EIF3B: variants seen among roughly 807,000 people sequenced by gnomAD.
The protein encoded by EIF3B is eukaryotic translation initiation factor 3 subunit 9.
EIF3B carries 10 observed loss-of-function variants against 104.6 expected under a neutral mutation model. That is an observed-to-expected ratio of 0.10 (90% CI 0.06 to 0.16). The LOEUF is 0.16. Ranked by LOEUF, EIF3B falls within the 10% of genes least tolerant of loss-of-function variation. The pLI is 1.00. For missense variants in EIF3B, 1,014 were observed against 1,087.9 expected, an observed-to-expected ratio of 0.93 and a Z score of 0.96; for synonymous variants, 542 against 417.2, an observed-to-expected ratio of 1.30 and a Z score of -3.65.
chr7:2,372,911 C>A, intron 12 of EIF3B, 116 bp downstream of exon 12: 2 of 1,214,258 alleles, frequency 1.6e-6, no homozygotes, highest in South Asian at 2.0e-5. Flanking sequence ...GGCCGGGACT[C>A]GCCTATGAAT....
At chr7:2,363,820 T>G in intron 5 of EIF3B, 60 bp downstream of exon 5, 1 of 1,552,004 alleles carries the variant, frequency 6.4e-7, no homozygotes, top group Non-Finnish European at 8.7e-7. Flanking sequence ...CTTAACAAAG[T>G]GGAACTTTGT....
Position 2,355,390 on chromosome 7 carries a change from G to T in EIF3B, c.469G>T (p.Glu157Ter). The T allele has an allele frequency of 6.6e-7, 1 of 1,511,472 alleles. No homozygotes were observed. The highest frequency in any genetic ancestry group is 2.5e-5 in the East Asian group (1 of 39,382). 93.6% of individuals were successfully genotyped at this position (1,511,472 alleles called of 1,614,324 possible). A position where few individuals can be genotyped will look rare whatever the true frequency, so the allele number is the denominator to read the frequency against. ...DADEPSFSDP[E>*]DFVDDVSEEE... is the part of the protein sequence containing the mutation. ...GGACGAGCCCTCCTTCAGCGACCCC[G>T]AGGACTTCGTGGACGACGTGAGCGA... is the stretch of plus-strand genomic sequence containing the variant. Residue 157 changes from glutamate to a stop codon, truncating the protein, a stop_gained, in exon 1 of 19, where the codon GAG becomes TAG. Transcript: ENST00000360876. LOFTEE classifies it high-confidence loss of function.
rs111636232 is a variant in EIF3B, at chr7:2,356,351, G to A, written c.499+931G>A. On this transcript the variant is annotated intron_variant, in intron 1 of 18. Coordinates refer to ENST00000360876, the MANE Select transcript of EIF3B (RefSeq NM_001037283.2). ...CAGAGGGCCGGGCTGGGTGGCTCAC[G>A]CCTGTAATCCCAGCACTTTGGGAGG... Among the ~76,000 whole-genome samples, 1,329 of 152,198 alleles carry A rather than the reference G, an allele frequency of 8.7e-3. 17 individuals are homozygous for A. Among genetic ancestry groups the A allele is most frequent in the African/African-American group, 0.031 (1,271 of 41,550 alleles).
intron 2 of EIF3B, 63 bp from the exon 3 acceptor site, chr7:2,362,582 G>A (rs926086805): frequency 1.3e-5 from 21 of 1,597,110 alleles, no homozygotes; most frequent in Admixed American, 1.2e-4. Context: ...GGGGTGGGGC[G>A]GACAGCGCAT....
chr7:2,365,671 GTTTGTTTTGT>G (rs796157400), intron 6 of EIF3B, among the ~76,000 whole-genome samples: 51 of 108,952 alleles, frequency 4.7e-4, no homozygotes, highest in African/African-American at 7.7e-4. Context: ...TTGTTTGTTT[GTTTGTTTTGT>G]TTTTTTTTTT....
intron 9 of EIF3B, among the ~76,000 whole-genome samples, chr7:2,368,865 A>C (rs1428070443): frequency 6.6e-6 from 1 of 152,226 alleles, no homozygotes; most frequent in Non-Finnish European, 1.5e-5. Context: ...TCGTTTTTAC[A>C]TTCTTGGGCA....
At chr7:2,364,821 G>T (rs1033306098) in intron 6 of EIF3B, among the ~76,000 whole-genome samples, 1 of 152,176 alleles carries the variant, frequency 6.6e-6, no homozygotes, top group African/African-American at 2.4e-5. Context: ...CATAGTGTGG[G>T]TACTGACTTC....
chr7:2,375,316 A>G, intron 13 of EIF3B, 73 bp from the exon 14 acceptor site: 1 of 1,592,026 alleles, frequency 6.3e-7, no homozygotes, highest in Non-Finnish European at 8.6e-7. Context: ...CCCATGCCGC[A>G]GCACCTCTCA....
At chr7:2,363,015 G>A in intron 3 of EIF3B, 55 bp from the exon 4 acceptor site, 2 of 1,594,304 alleles carry the variant, frequency 1.3e-6, no homozygotes, top group South Asian at 1.1e-5. Flanking sequence ...GCCCCCACGA[G>A]TTGCTCTTTC....
rs772243454 is a variant in EIF3B, at chr7:2,380,415, C to T, written c.*226C>T. 5.8e-6 allele frequency: 3 copies of T among 518,550 alleles called. No individual in the cohort carries two copies. The highest frequency in any genetic ancestry group is 1.2e-5 in the Non-Finnish European group (3 of 259,660). 32.1% of individuals were successfully genotyped at this position (518,550 alleles called of 1,614,324 possible). The stretch of plus-strand genomic sequence containing the variant: ...TGCGACACATTTTTGTGCCTTTCAG[C>T]CCCTGGTGTCTGCAGTGGGGGATTT... On this transcript the variant is annotated 3_prime_UTR_variant, in exon 19 of 19. Transcript: ENST00000360876.
At chr7:2,372,108 G>A (rs563178013) in intron 11 of EIF3B, 11 of 434,622 alleles carry the variant, frequency 2.5e-5, no homozygotes, top group South Asian at 1.9e-4. Flanking sequence ...TTGAGACGCT[G>A]AAGCGGGAGG....
intron 12 of EIF3B, chr7:2,373,668 G>A (rs868654912): frequency 6.6e-6 from 1 of 152,156 alleles, no homozygotes; most frequent in Non-Finnish European, 1.5e-5. Context: ...GAAACATATG[G>A]GCAATTGCAG....
intron 2 of EIF3B, among the ~76,000 whole-genome samples, chr7:2,362,141 G>A (rs935879083): frequency 1.3e-5 from 2 of 151,846 alleles, no homozygotes; most frequent in Non-Finnish European, 2.9e-5. Context: ...TGTATATTTA[G>A]CAGAGACAGG....
In EIF3B at chr7:2,377,059, G is replaced by C. The variant is rs756683173; in HGVS notation, c.2138G>C (p.Ser713Thr). 2 of 1,612,218 alleles carry C rather than the reference G, an allele frequency of 1.2e-6. No individual in the cohort carries two copies. The highest frequency in any genetic ancestry group is 1.3e-5 in the African/African-American group (1 of 74,912). Residue 713 changes from serine (S) to threonine (T), a missense_variant, in exon 15 of 19, where the codon AGC becomes ACC. This residue lies in a region of EIF3B where 266 missense variants were observed against 324.0 expected (regional missense o/e 0.82). Transcript: ENST00000360876. ...LWRPRPPTLL[S>T]QEQIKQIKKD... ...CGGCCCCGGCCTCCCACACTCCTGAGCCAGGAACAGATCAAGGTCAGCATG... is the reference window on the plus strand; with the variant it reads ...CGGCCCCGGCCTCCCACACTCCTGACCCAGGAACAGATCAAGGTCAGCATG...
chr7:2,371,112 A>G (rs553918160), intron 10 of EIF3B, among the ~76,000 whole-genome samples: 6 of 152,364 alleles, frequency 3.9e-5, no homozygotes, highest in African/African-American at 1.2e-4. Context: ...AAGAAACAAC[A>G]TACCTGTTAG....
intron 1 of EIF3B, among the ~76,000 whole-genome samples, chr7:2,356,936 G>A (rs1362997652): frequency 6.6e-6 from 1 of 151,936 alleles, no homozygotes; most frequent in African/African-American, 2.4e-5. Flanking sequence ...TCTAGTCTAC[G>A]CCCCTCAGTC....
rs1435932274 is a variant in EIF3B, at chr7:2,377,000, G to C, written c.2079G>C (p.Lys693Asn). Residue 693 changes from lysine to asparagine, a missense_variant, in exon 15 of 19, where the codon AAG (lysine) becomes AAC (asparagine). Transcript: ENST00000360876. ...CTTTCCAGGGACGCCTCCTGCAGAAGAACAACAAGGACCGCTTCTGCCAGC... is the reference window on the plus strand; with the variant it reads ...CTTTCCAGGGACGCCTCCTGCAGAACAACAACAAGGACCGCTTCTGCCAGC... Reference protein sequence around the residue: ...LWTFQGRLLQKNNKDRFCQLL... With the variant: ...LWTFQGRLLQNNNKDRFCQLL... The C allele has an allele frequency of 6.2e-7, 1 of 1,613,804 alleles. No individual in the cohort carries two copies. The highest frequency in any genetic ancestry group is 8.5e-7 in the Non-Finnish European group (1 of 1,180,026).
rs552934397 is a variant in EIF3B, at chr7:2,372,152, A to G, written c.1687+303A>G. 211 of 372,586 alleles carry G rather than the reference A, an allele frequency of 5.7e-4. 2 individuals are homozygous for G. The East Asian group carries it at 7.6e-3, about 13-fold the overall frequency. The allele number at this position is 372,586 out of a possible 1,614,324, so 23.1% of individuals were successfully genotyped here. A position where few individuals can be genotyped will look rare whatever the true frequency, so the allele number is the denominator to read the frequency against. Reference sequence around the variant, plus strand: ...AGCCCAGGAGCAGAGGTTGCAGTGAACTGAGATTGCGCCCCTGCACTCCAG... The same window carrying G: ...AGCCCAGGAGCAGAGGTTGCAGTGAGCTGAGATTGCGCCCCTGCACTCCAG... On this transcript the variant is annotated intron_variant, in intron 11 of 18. Coordinates refer to ENST00000360876, the MANE Select transcript of EIF3B (RefSeq NM_001037283.2).
At chr7:2,362,874 C>A in intron 3 of EIF3B, 110 bp downstream of exon 3, 1 of 1,533,918 alleles carries the variant, frequency 6.5e-7, no homozygotes, top group Non-Finnish European at 8.9e-7. Flanking sequence ...TGTTCACATC[C>A]TTTCTGGTCA....
Sources: gnomAD v4.1 joint callset for allele counts (sites outside exome capture counted in the v4.1 genomes callset) on GRCh38, gnomAD v4.1.1 for gene constraint, gnomAD v4.1.1 regional missense constraint, MANE v1.5 for transcripts, NCBI Gene and HGNC (gene_info 2026-07-23, HGNC 2026-07-21) for gene names.